CYP2D6: variants seen among roughly 807,000 people sequenced by gnomAD.
CYP2D6 encodes cytochrome P450 2D6.
CYP2D6 carries 51 observed loss-of-function variants against 43.5 expected under a neutral mutation model. That is an observed-to-expected ratio of 1.17 (90% CI 0.94 to 1.48). CYP2D6 has a LOEUF of 1.48. Ranked by LOEUF, CYP2D6 falls within the 40% of genes most tolerant of loss-of-function variation. CYP2D6 has a pLI of 0.00. For synonymous variants in CYP2D6, 346 were observed against 297.1 expected (o/e 1.16, Z -1.69); for missense variants, 698 against 688.0 (o/e 1.01, Z -0.16).
Position 42,129,142 on chromosome 22 carries a change from C to A in CYP2D6, c.396G>T (p.Arg132Ser), listed in dbSNP as rs1931563375. Residue 132 changes from arginine to serine, a missense_variant, in exon 3 of 9, where the codon AGG (arginine) becomes AGT (serine). This residue lies in a region of CYP2D6 where 588 missense variants were observed against 521.1 expected (regional missense o/e 1.13). Coordinates refer to ENST00000645361, the MANE Select transcript of CYP2D6 (RefSeq NM_000106.6). The stretch of plus-strand genomic sequence containing the variant: ...TGCGCAAGGTGGACACGGAGAAGCG[C>A]CTCTGCTCGCGCCACGCGGGCCCAT... Reference protein sequence around the residue: ...ARYGPAWREQRRFSVSTLRNL... With the variant: ...ARYGPAWREQSRFSVSTLRNL... The A allele has an allele frequency of 3.7e-6, 6 of 1,609,486 alleles. No individual in the cohort carries two copies. The African/African-American group carries it at 5.4e-5, about 14-fold the overall frequency.
At chr22:42,128,430 A>C in intron 4 of CYP2D6, 80 bp from the exon 5 acceptor site, 1 of 1,508,498 alleles carries the variant, frequency 6.6e-7, no homozygotes, top group South Asian at 1.1e-5. Flanking sequence ...AGCCATCTCC[A>C]GGTAGACCCA....
At chr22:42,128,650 C>T in intron 4 of CYP2D6, 134 bp downstream of exon 4, 1 of 1,098,568 alleles carries the variant, frequency 9.1e-7, no homozygotes. Context: ...CCAGGCCCTT[C>T]TTACAGTGGG....
chr22:42,128,013 A>G, intron 5 of CYP2D6, 30 bp from the exon 6 acceptor site: 2 of 1,611,170 alleles, frequency 1.2e-6, no homozygotes, highest in South Asian at 1.1e-5. Context: ...TACTCGGGAC[A>G]GAACGGGGTA....
chr22:42,128,776 C>G lies in CYP2D6; in HGVS notation c.666+8G>C. On this transcript the variant is annotated splice_region_variant and intron_variant, in intron 4 of 8. Coordinates refer to ENST00000645361, the MANE Select transcript of CYP2D6 (RefSeq NM_000106.6). Reference sequence around the variant, plus strand: ...CCTGCAGAGACTCCTCGGTCTCTCGCTCCGCACCTCGCGCAGAAAGCCCGA... The same window carrying G: ...CCTGCAGAGACTCCTCGGTCTCTCGGTCCGCACCTCGCGCAGAAAGCCCGA... The G allele has an allele frequency of 1.2e-6, 2 of 1,603,616 alleles. No homozygotes were observed. The highest frequency in any genetic ancestry group is 1.7e-6 in the Non-Finnish European group (2 of 1,174,622).
chr22:42,128,687 C>G, intron 4 of CYP2D6, 97 bp downstream of exon 4: 1 of 1,414,566 alleles, frequency 7.1e-7, no homozygotes, highest in Non-Finnish European at 9.7e-7. Flanking sequence ...TTTCCCAAAC[C>G]CATCTATGCA....
In CYP2D6 at chr22:42,129,767, T is replaced by G. The variant is rs772618839; in HGVS notation, c.323A>C (p.Gln108Pro). ...GGAACGCGGCCCGAAACCCAGGATC[T>G]GGGTGATGGGCACAGGCGGGCGGTC... ...TADRPPVPIT[Q>P]ILGFGPRSQG... Residue 108 changes from glutamine (Q) to proline (P), a missense_variant, in exon 2 of 9, where the codon CAG (glutamine) becomes CCG (proline). This residue lies in a region of CYP2D6 where 588 missense variants were observed against 521.1 expected (regional missense o/e 1.13). Transcript: ENST00000645361. 2.5e-6 allele frequency: 4 copies of G among 1,609,654 alleles called. No homozygotes were observed. The Admixed American group carries it at 6.7e-5, about 27-fold the overall frequency.
intron 6 of CYP2D6, 64 bp from the exon 7 acceptor site, chr22:42,127,698 T>G: frequency 1.3e-6 from 2 of 1,580,340 alleles, no homozygotes; most frequent in Middle Eastern, 1.7e-4. Flanking sequence ...ACACTCCTTC[T>G]TGCCTCCTAT....
Position 42,127,617 on chromosome 22 carries a change from T to A in CYP2D6, c.1003A>T (p.Ile335Phe). ...CGCACCTGCCCTATCACGTCGTCGA[T>A]CTCCTGTTGGACACGGCCTGGACAG... ...PDVQRRVQQE[I>F]DDVIGQVRRP... Residue 335 changes from isoleucine to phenylalanine, a missense_variant, in exon 7 of 9, where the codon ATC (isoleucine) becomes TTC (phenylalanine). Physicochemically the swap from Ile to Phe is conservative, Grantham distance 21. Transcript: ENST00000645361. 1 of 1,611,508 alleles carries A rather than the reference T, an allele frequency of 6.2e-7. No homozygotes were observed. The highest frequency in any genetic ancestry group is 8.5e-7 in the Non-Finnish European group (1 of 1,178,338).
At chr22:42,127,055 C>CT (rs1931035648) in intron 7 of CYP2D6, 63 bp from the exon 8 acceptor site, 1 of 1,540,126 alleles carries the variant, frequency 6.5e-7, no homozygotes, top group Non-Finnish European at 8.9e-7. Context: ...CCCCTGCCAC[C>CT]AAACACACGG....
rs375536796 is a variant in CYP2D6 at position 42,128,924 on chromosome 22, C to T, written c.526G>A (p.Gly176Ser). 5 of 1,591,742 alleles carry T rather than the reference C, an allele frequency of 3.1e-6. No individual in the cohort carries two copies. Among genetic ancestry groups the T allele is most frequent in the South Asian group, 1.1e-5 (1 of 88,156 alleles). Residue 176 changes from glycine to serine, a missense_variant, in exon 4 of 9, where the codon GGT (glycine) becomes AGT (serine). Around this residue, in one of 5 missense-constraint regions of CYP2D6, gnomAD observed 588 missense variants for 521.1 expected, o/e 1.13. Coordinates refer to ENST00000645361, the MANE Select transcript of CYP2D6 (RefSeq NM_000106.6). ...TTGCTCACGGCTTTGTCCAAGAGAC[C>T]GTTGGGGCGAAAGGGGCGTCCTGGG... ...NHSGRPFRPNGLLDKAVSNVI... is the reference protein window; with the variant it reads ...NHSGRPFRPNSLLDKAVSNVI...
In CYP2D6 at chr22:42,126,690, G is replaced by A. The variant is rs759631541; in HGVS notation, c.1378C>T (p.Leu460=). The change falls in exon 9 of 9, where the codon CTG becomes TTG. Residue 460 remains leucine, a synonymous_variant. Coordinates refer to ENST00000645361, the MANE Select transcript of CYP2D6 (RefSeq NM_000106.6). ...RMELFLFFTS[L]LQHFSFSVPT... ...ACCGAGAAGCTGAAGTGCTGCAGCA[G>A]GGAGGTGAAGAAGAGGAAGAGCTCC... is the stretch of plus-strand genomic sequence containing the variant. 10 of 1,598,414 alleles carry A rather than the reference G, an allele frequency of 6.3e-6. No individual in the cohort carries two copies. The highest frequency in any genetic ancestry group is 5.2e-5 in the Admixed American group (3 of 57,544).
chr22:42,129,616 C>T, intron 2 of CYP2D6, 122 bp downstream of exon 2: 6 of 1,357,324 alleles, frequency 4.4e-6, no homozygotes, highest in South Asian at 1.2e-5. Context: ...TCTTGGCCCG[C>T]TGTCCCCACT....
rs1268294114 is a variant in CYP2D6, at chr22:42,128,037, C to T, written c.844-54G>A. The T allele has an allele frequency of 7.5e-6, 12 of 1,609,204 alleles. 1 individual carries two copies. Among genetic ancestry groups the T allele is most frequent in the Non-Finnish European group, 5.9e-6 (7 of 1,176,644 alleles). On this transcript the variant is annotated intron_variant, in intron 5 of 8. Coordinates refer to ENST00000645361, the MANE Select transcript of CYP2D6 (RefSeq NM_000106.6). ...CAGAACGGGGTAGCCCCCAAATGAC[C>T]TCCAATTCTGCACCTGTCAGCCCAG...
rs2146934780 is a variant in CYP2D6, at chr22:42,128,304, C to T, written c.713G>A (p.Gly238Asp). The change falls in exon 5 of 9, where the codon GGC (glycine) becomes GAC (aspartate). Residue 238 changes from glycine to aspartate, a missense_variant. By Grantham distance (94) the Gly-to-Asp change is moderately conservative. This residue lies in a region of CYP2D6 where 588 missense variants were observed against 521.1 expected (regional missense o/e 1.13). Transcript: ENST00000645361. ...AGCCTTTTGGAAGCGTAGGACCTTG[C>T]CAGCCAGCGCTGGGATATGCAGGAG... ...PVLLHIPALA[G>D]KVLRFQKAFL... 2 of 1,610,596 alleles carry T rather than the reference C, an allele frequency of 1.2e-6. No homozygotes were observed. Among genetic ancestry groups the T allele is most frequent in the Non-Finnish European group, 1.7e-6 (2 of 1,177,976 alleles).
In CYP2D6 at chr22:42,129,845, T is replaced by G. The variant is rs200229206; in HGVS notation, c.245A>C (p.Asn82Thr). The G allele has an allele frequency of 1.6e-5, 25 of 1,597,676 alleles. 1 individual carries two copies. In the African/African-American group the frequency reaches 1.9e-4, roughly 12 times the overall value. ...CGCCTCGCGCACGGCCGCCAGCCCATTGAGCACGACCACCGGCGTCCAGGC... is the reference window on the plus strand; with the variant it reads ...CGCCTCGCGCACGGCCGCCAGCCCAGTGAGCACGACCACCGGCGTCCAGGC... ...QLAWTPVVVL[N>T]GLAAVREALV... The change falls in exon 2 of 9, where the codon AAT becomes ACT. Residue 82 changes from asparagine (N) to threonine (T), a missense_variant. Around this residue, in one of 5 missense-constraint regions of CYP2D6, gnomAD observed 588 missense variants for 521.1 expected, o/e 1.13. Transcript: ENST00000645361.
chr22:42,129,560 G>GC (rs756069363), intron 2 of CYP2D6, among the ~76,000 whole-genome samples, 178 bp downstream of exon 2: 13 of 151,438 alleles, frequency 8.6e-5, no homozygotes, highest in African/African-American at 2.9e-4. Flanking sequence ...CTCGTCACAA[G>GC]CCCCGCCCTC....
rs1931550095 is a variant in CYP2D6, at chr22:42,129,092, A to G, written c.446T>C (p.Leu149Pro). 1 of 1,610,264 alleles carries G rather than the reference A, an allele frequency of 6.2e-7. No individual in the cohort carries two copies. Among genetic ancestry groups the G allele is most frequent in the South Asian group, 1.1e-5 (1 of 90,798 alleles). ...GGCCTCCTCGGTCACCCACTGCTCC[A>G]GCGACTTCTTGCCCAGGCCCAAGTT... ...LRNLGLGKKS[L>P]EQWVTEEAAC... Residue 149 changes from leucine to proline, a missense_variant, in exon 3 of 9, where the codon CTG (leucine) becomes CCG (proline). Physicochemically the swap from Leu to Pro is moderately conservative, Grantham distance 98 (BLOSUM62 -3). Around this residue, in one of 5 missense-constraint regions of CYP2D6, gnomAD observed 588 missense variants for 521.1 expected, o/e 1.13. Transcript: ENST00000645361.
chr22:42,130,054 G>T, intron 1 of CYP2D6, 145 bp from the exon 2 acceptor site: 1 of 816,604 alleles, frequency 1.2e-6, no homozygotes, highest in Non-Finnish European at 1.9e-6. Context: ...ATCGTGGGGC[G>T]GGGGTGGGGG....
chr22:42,127,324 A>G (rs1433347041), intron 7 of CYP2D6, 123 bp downstream of exon 7: 2 of 1,217,038 alleles, frequency 1.6e-6, no homozygotes, highest in Admixed American at 2.0e-5. Flanking sequence ...GGGGACAGTC[A>G]GTGTGGTGGC....
Sources: gnomAD v4.1 joint callset for allele counts (sites outside exome capture counted in the v4.1 genomes callset) on GRCh38, gnomAD v4.1.1 for gene constraint, gnomAD v4.1.1 regional missense constraint, MANE v1.5 for transcripts, NCBI Gene and HGNC (gene_info 2026-07-23, HGNC 2026-07-21) for gene names.